Variants in SLIT3 observed in about 807,000 individuals in gnomAD.
The protein encoded by SLIT3 is slit homolog 3 protein.
Under a neutral mutation model 184.0 loss-of-function variants are expected in SLIT3, and 68 were observed. That is an observed-to-expected ratio of 0.37 (90% CI 0.30 to 0.45). SLIT3 has a LOEUF of 0.45. SLIT3 is among the 20% of genes least tolerant of loss of function. SLIT3 has a pLI of 1.00. For missense variants in SLIT3, 1,707 were observed against 2,026.0 expected, an observed-to-expected ratio of 0.84 and a Z score of 3.02; for synonymous variants, 831 against 828.6, an observed-to-expected ratio of 1.00 and a Z score of -0.05.
chr5:168,856,504 C>G (rs1758874503), intron 5 of SLIT3, among the ~76,000 whole-genome samples: 1 of 152,150 alleles, frequency 6.6e-6, no homozygotes, highest in South Asian at 2.1e-4. Flanking sequence ...TTTTAAAACT[C>G]TCTCTCCCAG....
chr5:169,274,538 G>T (rs1470998752), intron 1 of SLIT3, among the ~76,000 whole-genome samples: 2 of 152,156 alleles, frequency 1.3e-5, no homozygotes, highest in African/African-American at 4.8e-5. Context: ...TGGTGCAAGG[G>T]AGCCGTTCAG....
At chr5:168,852,802 A>G (rs918437853) in intron 5 of SLIT3, among the ~76,000 whole-genome samples, 1 of 152,238 alleles carries the variant, frequency 6.6e-6, no homozygotes, top group African/African-American at 2.4e-5. Flanking sequence ...AGTGATTCAC[A>G]TCCATGCCCC....
chr5:168,856,551 G>A (rs1758875704), intron 5 of SLIT3, among the ~76,000 whole-genome samples: 1 of 152,110 alleles, frequency 6.6e-6, no homozygotes, highest in African/African-American at 2.4e-5. Flanking sequence ...TCAAGATTCA[G>A]GGGGGAAAAT....
At chr5:168,788,530 C>G (rs1165556794) in intron 11 of SLIT3, among the ~76,000 whole-genome samples, 5 of 152,186 alleles carry the variant, frequency 3.3e-5, no homozygotes, top group Non-Finnish European at 7.3e-5. Context: ...CTTGCCTTTT[C>G]TACCTGTTAC....
intron 4 of SLIT3, among the ~76,000 whole-genome samples, chr5:168,893,579 G>A (rs1479430174): frequency 6.6e-6 from 1 of 152,164 alleles, no homozygotes; most frequent in East Asian, 1.9e-4. Context: ...CTGGAGCCAA[G>A]CATTTGCTGA....
chr5:169,072,358 A>G (rs1758583773), intron 4 of SLIT3, among the ~76,000 whole-genome samples: 3 of 152,214 alleles, frequency 2.0e-5, no homozygotes, highest in Non-Finnish European at 4.4e-5. Context: ...TAGATGCCTC[A>G]TCTGTCAAAT....
chr5:169,265,151 G>C (rs913453079), intron 1 of SLIT3, among the ~76,000 whole-genome samples: 7 of 129,214 alleles, frequency 5.4e-5, no homozygotes, highest in Non-Finnish European at 9.9e-5. Flanking sequence ...TCAGCTCCAT[G>C]CTCAAAAACA....
chr5:168,865,173 CAA>C (rs70979103), intron 5 of SLIT3, among the ~76,000 whole-genome samples: 30 of 56,290 alleles, frequency 5.3e-4, no homozygotes, highest in African/African-American at 1.9e-3. Context: ...AACTCCGTCT[CAA>C]AAAAAAAAAA....
At chr5:169,169,044 G>T (rs932302064) in intron 4 of SLIT3, among the ~76,000 whole-genome samples, 7 of 152,124 alleles carry the variant, frequency 4.6e-5, no homozygotes, top group Non-Finnish European at 1.0e-4. Flanking sequence ...GAGTGGGGGG[G>T]GGATCACCTT....
intron 4 of SLIT3, among the ~76,000 whole-genome samples, chr5:168,922,676 G>A (rs1581214070): frequency 6.6e-6 from 1 of 152,240 alleles, no homozygotes. Context: ...TGGAGGCAAT[G>A]GGCAACCATC....
At position 168,773,084 on chromosome 5, in the gene SLIT3, G is replaced by T. The variant is rs558574880; in HGVS notation, c.1296-140C>A. ...TCATCGCCCCAGGAAGCCTTAGGGG[G>T]TGCTACTTTCAGACAGGGCTCAAAG... On this transcript the variant is annotated intron_variant, in intron 13 of 35. Transcript: ENST00000519560. 2.9e-5 allele frequency: 24 copies of T among 839,804 alleles called. No individual in the cohort carries two copies. In the South Asian group the frequency reaches 4.1e-4, roughly 14 times the overall value. The allele number at this position is 839,804 out of a possible 1,614,324, so 52.0% of individuals were successfully genotyped here.
intron 8 of SLIT3, among the ~76,000 whole-genome samples, chr5:168,817,094 C>A (rs1372879181): frequency 6.6e-6 from 1 of 152,188 alleles, no homozygotes; most frequent in Non-Finnish European, 1.5e-5. Flanking sequence ...TTTCCCTTTA[C>A]CAGATGACAA....
chr5:168,875,528 G>T lies in SLIT3; in HGVS notation c.485+7737C>A, dbSNP rs936012013. ...AGGCACCGGTAATCCCAGTTACTTG[G>T]GAGGCTGAAGTAGGAGAATCACTTG... On this transcript the variant is annotated intron_variant, in intron 5 of 35. Transcript: ENST00000519560. Among the ~76,000 whole-genome samples the T allele has an allele frequency of 3.3e-5, 5 of 152,162 alleles. No homozygotes were observed. The East Asian group carries it at 9.7e-4, about 30-fold the overall frequency.
chr5:169,227,425 G>GT (rs1490793716), intron 3 of SLIT3, among the ~76,000 whole-genome samples: 1 of 152,064 alleles, frequency 6.6e-6, no homozygotes, highest in Non-Finnish European at 1.5e-5. Context: ...AATAAGTGTG[G>GT]TTTTGTCATT....
rs1053929249 is a variant in SLIT3 at position 169,100,640 on chromosome 5, A to T, written c.413+92839T>A. ...GGGACACAAACGCACTAAAAGCATGATCTGTAACCTTACTGTAACCATCTG... is the reference window on the plus strand; with the variant it reads ...GGGACACAAACGCACTAAAAGCATGTTCTGTAACCTTACTGTAACCATCTG... On this transcript the variant is annotated intron_variant, in intron 4 of 35. Transcript: ENST00000519560. Among the ~76,000 whole-genome samples, 3 of 152,144 alleles carry T rather than the reference A, an allele frequency of 2.0e-5. No homozygotes were observed. In the East Asian group the frequency reaches 5.8e-4, roughly 29 times the overall value.
At chr5:168,753,134 C>A in intron 17 of SLIT3, 36 bp from the exon 18 acceptor site, 6 of 1,610,010 alleles carry the variant, frequency 3.7e-6, no homozygotes, top group Non-Finnish European at 5.1e-6. Flanking sequence ...AGAGCACAGG[C>A]ATGATCTTTT....
chr5:169,150,770 T>C (rs1353594315), intron 4 of SLIT3, among the ~76,000 whole-genome samples: 2 of 152,178 alleles, frequency 1.3e-5, no homozygotes, highest in Non-Finnish European at 2.9e-5. Flanking sequence ...AGAGAGGTCT[T>C]ATCTACTGGT....
chr5:169,143,193 A>G (rs991042484), intron 4 of SLIT3, among the ~76,000 whole-genome samples: 1 of 152,226 alleles, frequency 6.6e-6, no homozygotes, highest in Non-Finnish European at 1.5e-5. Flanking sequence ...AGCACCTACT[A>G]GGTGCCAGAT....
intron 4 of SLIT3, among the ~76,000 whole-genome samples, chr5:168,966,074 T>G (rs1763179409): frequency 6.6e-6 from 1 of 152,246 alleles, no homozygotes; most frequent in Non-Finnish European, 1.5e-5. Context: ...GAGATACGAT[T>G]GTGAATTTTA....
Sources: gnomAD v4.1 joint callset for allele counts (sites outside exome capture counted in the v4.1 genomes callset) on GRCh38, gnomAD v4.1.1 for gene constraint, MANE v1.5 for transcripts, NCBI Gene and HGNC (gene_info 2026-07-23, HGNC 2026-07-21) for gene names.